Variants in LONP2 observed in about 807,000 individuals in gnomAD.
The protein encoded by LONP2 is lon protease homolog 2, peroxisomal.
In LONP2, 60 loss-of-function variants were observed where a neutral mutation model predicts 85.6. The observed-to-expected ratio is 0.70, with a 90% confidence interval of 0.57 to 0.87. LONP2 has a LOEUF of 0.87. Ranked by LOEUF, LONP2 falls within the 40% of genes least tolerant of loss-of-function variation. The pLI, the probability that LONP2 is intolerant of heterozygous loss-of-function variation, is 0.00. For missense variants in LONP2, 860 were observed against 1,063.5 expected (o/e 0.81, Z 2.66); for synonymous variants, 395 against 389.7 (o/e 1.01, Z -0.16).
chr16:48,320,295 T>C (rs1973236102), intron 11 of LONP2, among the ~76,000 whole-genome samples: 1 of 152,198 alleles, frequency 6.6e-6, no homozygotes, highest in Admixed American at 6.5e-5. Context: ...GGATTCGGTT[T>C]TGCATTTTCA....
At chr16:48,320,167 A>G (rs1973232822) in intron 11 of LONP2, among the ~76,000 whole-genome samples, 1 of 151,782 alleles carries the variant, frequency 6.6e-6, no homozygotes, top group African/African-American at 2.4e-5. Context: ...CTCAAAAAAA[A>G]AAAAAAAAAA....
chr16:48,324,665 G>A (rs538544748), intron 11 of LONP2, among the ~76,000 whole-genome samples: 25 of 152,216 alleles, frequency 1.6e-4, no homozygotes, highest in African/African-American at 5.8e-4. Flanking sequence ...TTACATAGCC[G>A]AAATTTGGTC....
intron 2 of LONP2, among the ~76,000 whole-genome samples, chr16:48,254,652 C>G (rs907304965): frequency 2.0e-5 from 3 of 152,174 alleles, no homozygotes; most frequent in Non-Finnish European, 4.4e-5. Flanking sequence ...AAAATTGAAT[C>G]TATGCTTTCC....
chr16:48,265,831 T>G (rs1192621287), intron 6 of LONP2, among the ~76,000 whole-genome samples: 1 of 152,212 alleles, frequency 6.6e-6, no homozygotes. Context: ...TTTAACAACA[T>G]TCTTCTAGTC....
At chr16:48,319,709 C>G (rs1973221925) in intron 11 of LONP2, among the ~76,000 whole-genome samples, 1 of 152,114 alleles carries the variant, frequency 6.6e-6, no homozygotes, top group Non-Finnish European at 1.5e-5. Context: ...AGAATCAAGA[C>G]AAAACTGCAG....
chr16:48,250,442 A>G (rs1158609230), intron 1 of LONP2, among the ~76,000 whole-genome samples: 1 of 151,996 alleles, frequency 6.6e-6, no homozygotes, highest in African/African-American at 2.4e-5. Context: ...AGATTAGGCT[A>G]CTGCGCTCCA....
At chr16:48,266,926 A>T (rs1265210467) in intron 6 of LONP2, among the ~76,000 whole-genome samples, 1 of 152,046 alleles carries the variant, frequency 6.6e-6, no homozygotes, top group Non-Finnish European at 1.5e-5. Flanking sequence ...CCCCAACTCT[A>T]TTTAAAAAAA....
chr16:48,263,385 C>T (rs1441124017), intron 6 of LONP2, among the ~76,000 whole-genome samples: 1 of 152,196 alleles, frequency 6.6e-6, no homozygotes, highest in African/African-American at 2.4e-5. Context: ...CTAGTCTACT[C>T]TCCATTTCTA....
intron 11 of LONP2, among the ~76,000 whole-genome samples, chr16:48,306,287 A>G (rs1253271080): frequency 6.6e-6 from 1 of 152,286 alleles, no homozygotes; most frequent in Non-Finnish European, 1.5e-5. Flanking sequence ...ACTTTTGTAT[A>G]GTTATACATT....
At chr16:48,286,142 CTTTT>C (rs112681466) in intron 8 of LONP2, among the ~76,000 whole-genome samples, 2 of 137,358 alleles carry the variant, frequency 1.5e-5, no homozygotes. Context: ...GATTTGTAAT[CTTTT>C]TTTTTTTTTT....
chr16:48,351,961 A>G lies in LONP2; in HGVS notation c.*159A>G, dbSNP rs1960166589. ...TCAAGTAGTGGCTAGTGTTTAGTAT[A>G]GAAATATAAGATGTTGATTTAGTAA... On this transcript the variant is annotated 3_prime_UTR_variant, in exon 15 of 15. Coordinates refer to ENST00000285737, the MANE Select transcript of LONP2 (RefSeq NM_031490.5). 2 of 612,906 alleles carry G rather than the reference A, an allele frequency of 3.3e-6. No individual in the cohort carries two copies. Among genetic ancestry groups the G allele is most frequent in the South Asian group, 4.2e-5 (2 of 47,974 alleles). 38.0% of individuals were successfully genotyped at this position (612,906 alleles called of 1,614,324 possible). A position where few individuals can be genotyped will look rare whatever the true frequency, so the allele number is the denominator to read the frequency against.
chr16:48,286,804 C>CTTT (rs112306337), intron 8 of LONP2, among the ~76,000 whole-genome samples: 1 of 143,068 alleles, frequency 7.0e-6, no homozygotes, highest in African/African-American at 2.6e-5. Flanking sequence ...GCTGACTTCT[C>CTTT]TTTTTTTTTT....
chr16:48,334,893 A>AT, intron 12 of LONP2: 1 of 405,096 alleles, frequency 2.5e-6, no homozygotes, highest in East Asian at 6.6e-5. Flanking sequence ...CTCCATTCTC[A>AT]TTTTTTTGTT....
chr16:48,336,481 TA>T (rs1289421143), intron 12 of LONP2: 1 of 455,438 alleles, frequency 2.2e-6, no homozygotes, highest in Non-Finnish European at 4.4e-6. Flanking sequence ...ACAAGGCTGT[TA>T]TTTCACCTGG....
chr16:48,270,363 A>AT, intron 7 of LONP2, 89 bp downstream of exon 7: 2 of 1,402,908 alleles, frequency 1.4e-6, no homozygotes, highest in Non-Finnish European at 9.8e-7. Flanking sequence ...GCATACATCT[A>AT]TTTTCCTTAA....
rs1383071510 is a variant in LONP2, at chr16:48,352,737, C to A, written c.*935C>A. 4 of 152,324 alleles carry A rather than the reference C, an allele frequency of 2.6e-5. No individual in the cohort carries two copies. Among genetic ancestry groups the A allele is most frequent in the African/African-American group, 9.6e-5 (4 of 41,466 alleles). The allele number at this position is 152,324 out of a possible 1,614,324, so 9.4% of individuals were successfully genotyped here. On this transcript the variant is annotated 3_prime_UTR_variant, in exon 15 of 15. Coordinates refer to ENST00000285737, the MANE Select transcript of LONP2 (RefSeq NM_031490.5). ...GCCCTCAGAACATGATAGCTTGTATCCAGCAGAGTGGCACGTGCTGGCACA... is the reference window on the plus strand; with the variant it reads ...GCCCTCAGAACATGATAGCTTGTATACAGCAGAGTGGCACGTGCTGGCACA...
In LONP2 at chr16:48,275,093, A is replaced by G. The variant is rs76291989; in HGVS notation, c.1242-2245A>G. ...GCTCTTGTGCTTTTTCCAGGAAACCAGAAGTAAACTTTAAGTAGCTGTTGC... is the reference window on the plus strand; with the variant it reads ...GCTCTTGTGCTTTTTCCAGGAAACCGGAAGTAAACTTTAAGTAGCTGTTGC... On this transcript the variant is annotated intron_variant, in intron 7 of 14. Transcript: ENST00000285737. Among the ~76,000 whole-genome samples the G allele has an allele frequency of 1.2e-4, 18 of 152,300 alleles. No individual in the cohort carries two copies. The East Asian group carries it at 3.1e-3, about 26-fold the overall frequency.
At chr16:48,257,385 CCATGGCCCTTCCCTT>C (rs1328369769) in intron 3 of LONP2, among the ~76,000 whole-genome samples, 2 of 152,068 alleles carry the variant, frequency 1.3e-5, no homozygotes, top group Non-Finnish European at 2.9e-5. Flanking sequence ...AAACGTGGAG[CCATGGCCCTTCCCTT>C]ATGTGTGGAC....
intron 11 of LONP2, among the ~76,000 whole-genome samples, chr16:48,324,624 AT>A (rs1467160962): frequency 6.6e-6 from 1 of 152,188 alleles, no homozygotes; most frequent in Non-Finnish European, 1.5e-5. Flanking sequence ...ATGATTTGTC[AT>A]TTTTCACAGA....
Sources: allele counts gnomAD v4.1 joint callset (sites outside exome capture counted in the v4.1 genomes callset), GRCh38; gene constraint gnomAD v4.1.1; transcripts MANE v1.5; gene names NCBI Gene and HGNC (gene_info 2026-07-23, HGNC 2026-07-21).